Variants in NSUN6 observed in about 807,000 individuals in gnomAD.
NSUN6 encodes tRNA (cytosine(72)-C(5))-methyltransferase NSUN6.
A neutral mutation model predicts 58.0 loss-of-function variants in NSUN6; 64 were observed. The ratio of observed to expected loss-of-function variants is 1.10; its 90% CI spans 0.90 to 1.36. The LOEUF is 1.36. NSUN6 is among the 40% of genes most tolerant of loss of function. The pLI is 0.00. For synonymous variants in NSUN6, 231 were observed against 193.9 expected, an observed-to-expected ratio of 1.19 and a Z score of -1.59; for missense variants, 701 against 550.1, an observed-to-expected ratio of 1.27 and a Z score of -2.74.
chr10:18,648,595 C>A lies in NSUN6; in HGVS notation c.126G>T (p.Leu42Phe), dbSNP rs762353306. The A allele has an allele frequency of 7.5e-6, 12 of 1,607,278 alleles. No individual in the cohort carries two copies. In the African/African-American group the frequency reaches 9.4e-5, roughly 13 times the overall value. Residue 42 changes from leucine (L) to phenylalanine (F), a missense_variant, in exon 2 of 11, where the codon TTG (leucine) becomes TTT (phenylalanine). Transcript: ENST00000377304. The stretch of plus-strand genomic sequence containing the variant: ...ATGGAGGATGTGACAGGTGCTTTAA[C>A]AAAGTTTCAAACTTCCTTTCTGCTT... ...KQEAERKFET[L>F]LKHLSHPPSF...
chr10:18,561,415 A>C (rs1490748271), intron 8 of NSUN6, among the ~76,000 whole-genome samples: 5 of 89,416 alleles, frequency 5.6e-5, no homozygotes, highest in Non-Finnish European at 1.2e-4. Flanking sequence ...GCAGAATGGA[A>C]TGGAGGATGG....
upstream of NSUN6, chr10:18,652,213 C>T (rs1433484417): frequency 3.0e-6 from 3 of 984,602 alleles, no homozygotes; most frequent in Non-Finnish European, 3.6e-6. Context: ...AGACCCTCGC[C>T]ATTATTTTTT....
upstream of NSUN6, chr10:18,651,603 GC>G: frequency 1.0e-6 from 1 of 987,838 alleles, no homozygotes; most frequent in Non-Finnish European, 1.2e-6. Context: ...CCAAACACGC[GC>G]CCCCTATTTC....
chr10:18,582,966 CGAAGCTCAGCCATTAT>C (rs2056971264), intron 8 of NSUN6, among the ~76,000 whole-genome samples: 1 of 152,122 alleles, frequency 6.6e-6, no homozygotes, highest in Non-Finnish European at 1.5e-5. Flanking sequence ...GCCTCTGAGA[CGAAGCTCAGCCATTAT>C]AACCCCTGTG....
At chr10:18,592,451 T>C (rs1417382839) in intron 7 of NSUN6, among the ~76,000 whole-genome samples, 1 of 152,168 alleles carries the variant, frequency 6.6e-6, no homozygotes, top group Non-Finnish European at 1.5e-5. Flanking sequence ...GGAGGCATCA[T>C]GCTACCTGAC....
intron 2 of NSUN6, among the ~76,000 whole-genome samples, chr10:18,644,738 G>C (rs2059490956): frequency 6.6e-6 from 1 of 151,766 alleles, no homozygotes. Flanking sequence ...TACTCGGGAG[G>C]CTGAGGCAGG....
At chr10:18,627,676 T>C (rs1197159501) in intron 3 of NSUN6, among the ~76,000 whole-genome samples, 2 of 151,398 alleles carry the variant, frequency 1.3e-5, no homozygotes, top group Non-Finnish European at 2.9e-5. Flanking sequence ...ATTGGGTCAC[T>C]CCCACCCCAA....
chr10:18,566,175 CATTCT>C (rs1418633052), intron 8 of NSUN6, among the ~76,000 whole-genome samples: 1 of 147,104 alleles, frequency 6.8e-6, no homozygotes, highest in African/African-American at 2.5e-5. Flanking sequence ...TTCTCCATTC[CATTCT>C]ATTCCATTCT....
At position 18,585,938 on chromosome 10, in the gene NSUN6, A is replaced by C. The variant is rs1589962096; in HGVS notation, c.922+11T>G. 1.9e-6 allele frequency: 3 copies of C among 1,580,390 alleles called. No individual in the cohort carries two copies. The East Asian group carries it at 6.7e-5, about 35-fold the overall frequency. On this transcript the variant is annotated intron_variant, in intron 8 of 10. Coordinates refer to ENST00000377304, the MANE Select transcript of NSUN6 (RefSeq NM_182543.5). ...CTGTCAATTAAAAATAAGAAAATCA[A>C]AATAGCTCACCTTCTGTGTCCTCCA...
At position 18,641,281 on chromosome 10, in the gene NSUN6, A is replaced by T. The variant is rs144466337; in HGVS notation, c.311+1195T>A. On this transcript the variant is annotated intron_variant, in intron 3 of 10. Coordinates refer to ENST00000377304, the MANE Select transcript of NSUN6 (RefSeq NM_182543.5). The stretch of plus-strand genomic sequence containing the variant: ...TTATTATAATTCTTAGGAGTTTAAA[A>T]AGACTTTAGACTATAATTAGGAATT... 7.4e-3 allele frequency among the ~76,000 whole-genome samples: 1,130 copies of T among 152,296 alleles called. 13 individuals are homozygous for T. Among genetic ancestry groups the T allele is most frequent in the South Asian group, 0.043 (207 of 4,822 alleles).
intron 2 of NSUN6, among the ~76,000 whole-genome samples, chr10:18,644,077 T>C (rs554922740): frequency 6.6e-6 from 1 of 152,304 alleles, no homozygotes; most frequent in South Asian, 2.1e-4. Context: ...AATTCAATGA[T>C]TTTTAGTAAA....
chr10:18,636,119 G>T (rs1307187841), intron 3 of NSUN6, among the ~76,000 whole-genome samples: 3 of 151,924 alleles, frequency 2.0e-5, no homozygotes, highest in African/African-American at 7.3e-5. Flanking sequence ...CTAACTTGTT[G>T]TATAAACATA....
chr10:18,608,884 T>C (rs1022047106), intron 6 of NSUN6, among the ~76,000 whole-genome samples: 2 of 152,162 alleles, frequency 1.3e-5, no homozygotes, highest in East Asian at 3.8e-4. Context: ...TCATAAACAA[T>C]TGTATGTTAG....
intron 3 of NSUN6, among the ~76,000 whole-genome samples, chr10:18,622,769 G>A (rs1402842089): frequency 2.6e-5 from 4 of 152,176 alleles, no homozygotes. Context: ...GTCTCATTTG[G>A]ATTTCAAGAG....
intron 7 of NSUN6, among the ~76,000 whole-genome samples, chr10:18,592,015 CAA>C (rs1212447462): frequency 2.0e-5 from 3 of 152,132 alleles, no homozygotes; most frequent in Non-Finnish European, 2.9e-5. Context: ...GCAACTTCAG[CAA>C]AGTCTCAGGA....
intron 2 of NSUN6, among the ~76,000 whole-genome samples, chr10:18,648,287 T>C (rs1216293781): frequency 1.3e-5 from 2 of 152,172 alleles, no homozygotes; most frequent in East Asian, 3.8e-4. Context: ...TCACCAAAAA[T>C]GAATAAATTT....
rs1210251009 is a variant in NSUN6 at position 18,642,527 on chromosome 10, A to G, written c.260T>C (p.Leu87Pro). 2 of 1,552,604 alleles carry G rather than the reference A, an allele frequency of 1.3e-6. No individual in the cohort carries two copies. Among genetic ancestry groups the G allele is most frequent in the Non-Finnish European group, 1.8e-6 (2 of 1,124,610 alleles). ...CACATCTTGAAGGTCTGGATGTTGA[A>G]GAATAGGAACACTTAATCCATTAAA... ...KQFNGLSVPI[L>P]QHPDLQDVLL... The change falls in exon 3 of 11, where the codon CTT becomes CCT. Residue 87 changes from leucine (L) to proline (P), a missense_variant. Transcript: ENST00000377304.
intron 8 of NSUN6, among the ~76,000 whole-genome samples, chr10:18,565,858 CCATTCCAGTTCATTCTG>C (rs1214374373): frequency 1.3e-5 from 2 of 150,820 alleles, no homozygotes; most frequent in South Asian, 2.1e-4. Context: ...ATTCTATTCT[CCATTCCAGTTCATTCTG>C]CATTCCATTC....
chr10:18,546,102 G>T lies in NSUN6; in HGVS notation c.1241C>A (p.Ser414Ter), dbSNP rs778513615. 1.2e-6 allele frequency: 2 copies of T among 1,613,280 alleles called. No individual in the cohort carries two copies. The highest frequency in any genetic ancestry group is 2.2e-5 in the South Asian group (2 of 90,944). ...CTGCAGCTGTTTCAACTGTTCACAT[G>T]AGAGCCCAGCTCCCCTCATTCCTTC... is the stretch of plus-strand genomic sequence containing the variant. ...GGEGMRGAGL[S>*]CEQLKQLQRF... Residue 414 changes from serine to a stop codon, truncating the protein, a stop_gained, in exon 11 of 11, where the codon TCA becomes TAA. Coordinates refer to ENST00000377304, the MANE Select transcript of NSUN6 (RefSeq NM_182543.5). LOFTEE classifies it high-confidence loss of function.
Sources: allele counts gnomAD v4.1 joint callset (sites outside exome capture counted in the v4.1 genomes callset), GRCh38; gene constraint gnomAD v4.1.1; transcripts MANE v1.5; gene names NCBI Gene and HGNC (gene_info 2026-07-23, HGNC 2026-07-21).